Variants in HIP1 observed in about 807,000 individuals in gnomAD.
The protein encoded by HIP1 is huntingtin interacting protein 1.
A neutral mutation model predicts 147.6 loss-of-function variants in HIP1; 65 were observed. The observed-to-expected ratio is 0.44, with a 90% CI of 0.36 to 0.54. The LOEUF (loss-of-function observed/expected upper bound fraction) is 0.54. Ranked by LOEUF, HIP1 falls within the 20% of genes least tolerant of loss-of-function variation. The pLI, the probability that HIP1 is intolerant of heterozygous loss-of-function variation, is 0.00. For synonymous variants in HIP1, 479 were observed against 504.0 expected (o/e 0.95, Z 0.67); for missense variants, 1,061 against 1,299.6 (o/e 0.82, Z 2.82).
At chr7:75,632,321 A>G (rs1554509056) in intron 1 of HIP1, among the ~76,000 whole-genome samples, 1 of 152,122 alleles carries the variant, frequency 6.6e-6, no homozygotes, top group East Asian at 1.9e-4. Context: ...ATTGAATGGA[A>G]CCTCATCTTG....
intron 1 of HIP1, among the ~76,000 whole-genome samples, chr7:75,615,187 C>T (rs1325099637): frequency 6.6e-6 from 1 of 152,120 alleles, no homozygotes; most frequent in Non-Finnish European, 1.5e-5. Context: ...TGTGGACAGC[C>T]ATGCACCTGC....
intron 27 of HIP1, 132 bp downstream of exon 27, chr7:75,544,563 G>A (rs1794470086): frequency 5.8e-6 from 4 of 689,240 alleles, no homozygotes; most frequent in Middle Eastern, 5.4e-4. Flanking sequence ...ACCTAGCCAA[G>A]TGCCATCTAA....
rs782573462 is a variant in HIP1, at chr7:75,617,973, G to A, written c.121-18726C>T. Reference sequence around the variant, plus strand: ...TGATCTTTCACTATTCACAGAGCCAGACTGGAGTGGCCTTTCGTAATGGCC... The same window carrying A: ...TGATCTTTCACTATTCACAGAGCCAAACTGGAGTGGCCTTTCGTAATGGCC... On this transcript the variant is annotated intron_variant, in intron 1 of 30. Coordinates refer to ENST00000336926, the MANE Select transcript of HIP1 (RefSeq NM_005338.7). Among the ~76,000 whole-genome samples, 5 of 152,346 alleles carry A rather than the reference G, an allele frequency of 3.3e-5. No individual in the cohort carries two copies. The East Asian group carries it at 9.7e-4, about 29-fold the overall frequency.
chr7:75,673,853 A>G (rs6953469), intron 1 of HIP1, among the ~76,000 whole-genome samples: 83,052 of 147,986 alleles, frequency 0.56, 23,820 homozygotes, highest in African/African-American at 0.65. Flanking sequence ...GGGCATGGTG[A>G]TGCATGCTTG....
intron 29 of HIP1, among the ~76,000 whole-genome samples, 193 bp from the exon 30 acceptor site, chr7:75,539,624 T>C (rs587663426): frequency 4.0e-4 from 61 of 152,230 alleles, no homozygotes; most frequent in African/African-American, 1.4e-3. Context: ...CCAGCCTACA[T>C]CTATCTTATT....
rs371043786 is a variant in HIP1, at chr7:75,555,195, CGGGG to C, written c.1963+217_1963+220del. Among the ~76,000 whole-genome samples, 28 of 23,606 alleles carry C rather than the reference CGGGG, an allele frequency of 1.2e-3. 2 individuals are homozygous for C. The highest frequency in any genetic ancestry group is 6.0e-4 in the Non-Finnish European group (6 of 10,072). 15.5% of individuals were successfully genotyped at this position (23,606 alleles called of 152,430 possible). A position where few individuals can be genotyped will look rare whatever the true frequency, so the allele number is the denominator to read the frequency against. ...GACCCTATCTCAAAAAGCGGGGGGG[CGGGG>C]GGGGGGAAGAAAATACTAAAATACT... On this transcript the variant is annotated intron_variant, in intron 19 of 30. Transcript: ENST00000336926.
At chr7:75,616,016 G>A (rs1325937999) in intron 1 of HIP1, among the ~76,000 whole-genome samples, 6 of 139,726 alleles carry the variant, frequency 4.3e-5, no homozygotes, top group African/African-American at 1.7e-4. Flanking sequence ...AACCTGGGAT[G>A]TGGAGGTTGC....
intron 1 of HIP1, chr7:75,639,179 G>A (rs1355294564): frequency 1.0e-4 from 101 of 983,302 alleles, no homozygotes; most frequent in Non-Finnish European, 1.2e-4. Context: ...CGGCCGGCAG[G>A]GCCCCCGCGG....
chr7:75,655,287 G>A (rs900581700), intron 1 of HIP1, among the ~76,000 whole-genome samples: 1 of 151,560 alleles, frequency 6.6e-6, no homozygotes, highest in Admixed American at 6.6e-5. Context: ...AGTGAAATAA[G>A]CCAGACACAG....
chr7:75,624,330 G>A (rs587729740), intron 1 of HIP1, among the ~76,000 whole-genome samples: 1 of 152,292 alleles, frequency 6.6e-6, no homozygotes, highest in East Asian at 1.9e-4. Context: ...TTCATCATCG[G>A]CTGCACGGCT....
At chr7:75,550,745 T>C (rs1554491959) in intron 22 of HIP1, among the ~76,000 whole-genome samples, 1 of 152,152 alleles carries the variant, frequency 6.6e-6, no homozygotes, top group Non-Finnish European at 1.5e-5. Flanking sequence ...TAATTCCACA[T>C]AGATGCATCC....
At chr7:75,694,987 T>C (rs781824196) in intron 1 of HIP1, among the ~76,000 whole-genome samples, 4 of 152,196 alleles carry the variant, frequency 2.6e-5, no homozygotes, top group Non-Finnish European at 5.9e-5. Flanking sequence ...GAGAAAACTA[T>C]GGAAAAGTTC....
At chr7:75,540,033 C>G (rs1318557182) in intron 29 of HIP1, among the ~76,000 whole-genome samples, 1 of 152,168 alleles carries the variant, frequency 6.6e-6, no homozygotes, top group Non-Finnish European at 1.5e-5. Flanking sequence ...ACACTTATTA[C>G]TGCTACAGGA....
intron 1 of HIP1, among the ~76,000 whole-genome samples, chr7:75,673,676 C>T (rs1374492375): frequency 6.6e-6 from 1 of 151,804 alleles, no homozygotes; most frequent in Non-Finnish European, 1.5e-5. Flanking sequence ...TATAGAAATA[C>T]AACTAAATTT....
At chr7:75,713,097 C>A (rs1371404273) in intron 1 of HIP1, among the ~76,000 whole-genome samples, 1 of 152,202 alleles carries the variant, frequency 6.6e-6, no homozygotes, top group Admixed American at 6.5e-5. Flanking sequence ...AGAGAAGACA[C>A]AAACCAGGGC....
chr7:75,611,054 C>T (rs1042017350), intron 1 of HIP1, among the ~76,000 whole-genome samples: 4 of 148,656 alleles, frequency 2.7e-5, no homozygotes, highest in Non-Finnish European at 3.0e-5. Context: ...TACAGGTGCC[C>T]GCCACCATGT....
intron 1 of HIP1, among the ~76,000 whole-genome samples, chr7:75,734,147 G>A (rs1292514307): frequency 1.3e-5 from 2 of 151,962 alleles, no homozygotes; most frequent in Non-Finnish European, 2.9e-5. Flanking sequence ...TCGAGAGGCC[G>A]AGGCAGGAGA....
rs55982331 is a variant in HIP1, at chr7:75,717,676, C to CAAAAAAAAAAAAAAAAAAA, written c.120+21124_120+21125insTTTTTTTTTTTTTTTTTTT. 3.2e-4 allele frequency among the ~76,000 whole-genome samples: 38 copies of CAAAAAAAAAAAAAAAAAAA among 117,492 alleles called. 2 individuals are homozygous for CAAAAAAAAAAAAAAAAAAA. The highest frequency in any genetic ancestry group is 7.6e-4 in the East Asian group (3 of 3,922). 77.1% of individuals were successfully genotyped at this position (117,492 alleles called of 152,430 possible). A position where few individuals can be genotyped will look rare whatever the true frequency, so the allele number is the denominator to read the frequency against. ...GTGAAACCTGTCTCTACTAAAAATA[C>CAAAAAAAAAAAAAAAAAAA]AAAAAAAAAAAAGACCAGGCGCGGT... On this transcript the variant is annotated intron_variant, in intron 1 of 30. Coordinates refer to ENST00000336926, the MANE Select transcript of HIP1 (RefSeq NM_005338.7).
At chr7:75,694,361 G>A (rs1031684489) in intron 1 of HIP1, among the ~76,000 whole-genome samples, 6 of 151,994 alleles carry the variant, frequency 3.9e-5, no homozygotes, top group Admixed American at 2.0e-4. Context: ...ATGCGTGGTC[G>A]GCAGATGTGT....
Sources: gnomAD v4.1 joint callset for allele counts (sites outside exome capture counted in the v4.1 genomes callset) on GRCh38, gnomAD v4.1.1 for gene constraint, MANE v1.5 for transcripts, NCBI Gene and HGNC (gene_info 2026-07-23, HGNC 2026-07-21) for gene names.